Variants in C1QTNF7 observed in about 807,000 individuals in gnomAD.
C1QTNF7 encodes C1q and TNF related 7.
Under a neutral mutation model 19.6 loss-of-function variants are expected in C1QTNF7, and 15 were observed. The observed-to-expected ratio is 0.76, with a 90% CI of 0.51 to 1.18. The LOEUF (loss-of-function observed/expected upper bound fraction) is 1.18. Among genes scored for constraint, C1QTNF7 ranks in the 50% most tolerant of loss-of-function variants. The probability of loss-of-function intolerance (pLI) is 0.00; values close to 1 mark genes in which losing one functional copy is unlikely to be tolerated. For missense variants in C1QTNF7, 324 were observed against 359.7 expected (o/e 0.90, Z 0.80); for synonymous variants, 142 against 137.5 (o/e 1.03, Z -0.23).
At chr4:15,396,916 T>C (rs1415513140) in intron 1 of C1QTNF7, among the ~76,000 whole-genome samples, 1 of 152,134 alleles carries the variant, frequency 6.6e-6, no homozygotes, top group African/African-American at 2.4e-5. Flanking sequence ...ACGCTGCTAA[T>C]AAACACATAC....
chr4:15,348,325 A>T (rs9994468), intron 1 of C1QTNF7, among the ~76,000 whole-genome samples: 11,456 of 152,196 alleles, frequency 0.075, 1,418 homozygotes, highest in African/African-American at 0.26. Context: ...GCAGAGTGAC[A>T]AGCAAAGTCC....
intron 1 of C1QTNF7, among the ~76,000 whole-genome samples, chr4:15,377,045 TC>T (rs1297103608): frequency 1.3e-5 from 2 of 152,242 alleles, no homozygotes; most frequent in African/African-American, 4.8e-5. Context: ...AAGCCCTCAC[TC>T]TGTGCTTGGC....
chr4:15,343,319 A>G (rs1163234994), intron 1 of C1QTNF7, among the ~76,000 whole-genome samples: 1 of 152,146 alleles, frequency 6.6e-6, no homozygotes, highest in Non-Finnish European at 1.5e-5. Context: ...ACATTAAATC[A>G]ATGTTTCCCA....
At chr4:15,429,636 T>A (rs1414220534) in intron 1 of C1QTNF7, among the ~76,000 whole-genome samples, 3 of 152,154 alleles carry the variant, frequency 2.0e-5, no homozygotes, top group Admixed American at 2.0e-4. Flanking sequence ...CATTCACCTT[T>A]CCATGGACAC....
chr4:15,364,722 C>T (rs1023903491), intron 1 of C1QTNF7, among the ~76,000 whole-genome samples: 13 of 152,150 alleles, frequency 8.5e-5, no homozygotes, highest in African/African-American at 2.9e-4. Flanking sequence ...GTATGGAACA[C>T]CACCGTGGAG....
At chr4:15,439,679 C>T (rs1288404360) in intron 2 of C1QTNF7, among the ~76,000 whole-genome samples, 1 of 152,122 alleles carries the variant, frequency 6.6e-6, no homozygotes, top group African/African-American at 2.4e-5. Context: ...TAAAGTAAAA[C>T]ACACAATTCA....
At chr4:15,345,863 A>C (rs1560335909) in intron 1 of C1QTNF7, among the ~76,000 whole-genome samples, 1 of 152,100 alleles carries the variant, frequency 6.6e-6, no homozygotes, top group Admixed American at 6.5e-5. Flanking sequence ...CTTTGTCCCT[A>C]TTGTTTAGAT....
At chr4:15,366,456 G>GA (rs1057431451) in intron 1 of C1QTNF7, among the ~76,000 whole-genome samples, 1 of 152,104 alleles carries the variant, frequency 6.6e-6, no homozygotes, top group Non-Finnish European at 1.5e-5. Flanking sequence ...TAGTCCCCTG[G>GA]AAAAAAATGC....
At chr4:15,433,286 G>A (rs750123630) in intron 1 of C1QTNF7, among the ~76,000 whole-genome samples, 6 of 152,142 alleles carry the variant, frequency 3.9e-5, no homozygotes, top group African/African-American at 9.6e-5. Context: ...CCAATACACT[G>A]GGATTACAGA....
chr4:15,409,426 T>A (rs1472952347), intron 1 of C1QTNF7, among the ~76,000 whole-genome samples: 2 of 152,210 alleles, frequency 1.3e-5, no homozygotes, highest in African/African-American at 4.8e-5. Flanking sequence ...TATTTAGTGC[T>A]CCTTATTTAC....
At position 15,363,701 on chromosome 4, in the gene C1QTNF7, T is replaced by C. The variant is rs140835535; in HGVS notation, c.13+23494T>C. On this transcript the variant is annotated intron_variant, in intron 1 of 2. Transcript: ENST00000295297. ...TGAGGCTTCTGTTAACAAGAAATAA[T>C]GGCAAAATGAACATTGGAAAGTAAC... 1.3e-5 allele frequency among the ~76,000 whole-genome samples: 2 copies of C among 152,286 alleles called. 1 individual carries two copies. Among genetic ancestry groups the C allele is most frequent in the African/African-American group, 4.8e-5 (2 of 41,564 alleles).
chr4:15,360,109 A>T (rs964901168), intron 1 of C1QTNF7, among the ~76,000 whole-genome samples: 7 of 152,108 alleles, frequency 4.6e-5, no homozygotes, highest in African/African-American at 1.7e-4. Context: ...TGTTCTATCC[A>T]CAGAAAAGGC....
chr4:15,352,974 C>G (rs1716987972), intron 1 of C1QTNF7, among the ~76,000 whole-genome samples: 1 of 152,132 alleles, frequency 6.6e-6, no homozygotes, highest in Non-Finnish European at 1.5e-5. Flanking sequence ...CAGAGGGCTG[C>G]TTTGATTTCT....
intron 1 of C1QTNF7, among the ~76,000 whole-genome samples, chr4:15,362,025 C>T (rs1280416335): frequency 6.6e-6 from 1 of 152,174 alleles, no homozygotes; most frequent in African/African-American, 2.4e-5. Flanking sequence ...AGAAGCCAGG[C>T]CGACTGGGTT....
rs1712860083 is a variant in C1QTNF7, at chr4:15,443,270, A to AATT, written c.*473_*474insTAT. 6.5e-6 allele frequency: 1 copy of AATT among 153,486 alleles called. No homozygotes were observed. Among genetic ancestry groups the AATT allele is most frequent in the Non-Finnish European group, 1.4e-5 (1 of 69,060 alleles). The allele number at this position is 153,486 out of a possible 1,614,324, so 9.5% of individuals were successfully genotyped here. ...TCAAGCAAGCTACAGAGAAATGATAAATGTTTTTTGTTTTATTATTTATTC... is the reference window on the plus strand; with the variant it reads ...TCAAGCAAGCTACAGAGAAATGATAAATTATGTTTTTTGTTTTATTATTTATTC... On this transcript the variant is annotated 3_prime_UTR_variant, in exon 3 of 3. Transcript: ENST00000444304.
At chr4:15,342,719 C>G (rs554217101) in intron 1 of C1QTNF7, among the ~76,000 whole-genome samples, 1 of 152,306 alleles carries the variant, frequency 6.6e-6, no homozygotes, top group East Asian at 1.9e-4. Flanking sequence ...TTGGGCCTGG[C>G]GGGGCTCTAT....
chr4:15,431,912 A>T (rs967860909), intron 1 of C1QTNF7, among the ~76,000 whole-genome samples: 7 of 152,236 alleles, frequency 4.6e-5, no homozygotes, highest in Non-Finnish European at 1.0e-4. Flanking sequence ...TGTAGAGCAG[A>T]TAAAAGGAAG....
rs1301708187 is a variant in C1QTNF7 at position 15,348,649 on chromosome 4, G to A, written c.13+8442G>A. On this transcript the variant is annotated intron_variant, in intron 1 of 2. Coordinates refer to the C1QTNF7 transcript ENST00000295297. ...AGTCACTGCAATGCATGGTGTTCAC[G>A]GGGCAATATGGCCCACTGGTGCCAG... Among the ~76,000 whole-genome samples, 9 of 152,226 alleles carry A rather than the reference G, an allele frequency of 5.9e-5. No homozygotes were observed. In the East Asian group the frequency reaches 7.7e-4, roughly 13 times the overall value.
At chr4:15,393,495 T>C (rs1718663215) in intron 1 of C1QTNF7, among the ~76,000 whole-genome samples, 1 of 152,190 alleles carries the variant, frequency 6.6e-6, no homozygotes, top group African/African-American at 2.4e-5. Flanking sequence ...CAGAATCATC[T>C]GGGATCACAT....
Sources: allele counts gnomAD v4.1 joint callset (sites outside exome capture counted in the v4.1 genomes callset), GRCh38; gene constraint gnomAD v4.1.1; transcripts MANE v1.5; gene names NCBI Gene and HGNC (gene_info 2026-07-23, HGNC 2026-07-21).